Variants in ZCCHC2 observed in about 807,000 individuals in gnomAD.
ZCCHC2 encodes zinc finger CCHC-type containing 2, also known as zinc finger CCHC domain-containing protein 2.
In ZCCHC2, 39 loss-of-function variants were observed where a neutral mutation model predicts 103.6. The ratio of observed to expected loss-of-function variants is 0.38; its 90% CI spans 0.29 to 0.49. ZCCHC2 has a LOEUF of 0.49. Ranked by LOEUF, ZCCHC2 falls within the 20% of genes least tolerant of loss-of-function variation. ZCCHC2 has a pLI of 0.96. For missense variants in ZCCHC2, 1,483 were observed against 1,491.0 expected, an observed-to-expected ratio of 0.99 and a Z score of 0.09; for synonymous variants, 687 against 608.9, an observed-to-expected ratio of 1.13 and a Z score of -1.89.
At chr18:62,580,378 G>A (rs903887575), downstream of ZCCHC2, among the ~76,000 whole-genome samples, 7 of 152,222 alleles carry the variant, frequency 4.6e-5, no homozygotes, top group South Asian at 2.1e-4. Flanking sequence ...GGAGTGCAGC[G>A]GCTGGGTTGT....
At chr18:62,553,556 C>T (rs1449065326) in intron 5 of ZCCHC2, among the ~76,000 whole-genome samples, 1 of 151,964 alleles carries the variant, frequency 6.6e-6, no homozygotes, top group Non-Finnish European at 1.5e-5. Flanking sequence ...ATATTCTTAA[C>T]ACATATGGAT....
Position 62,578,364 on chromosome 18 carries a change from A to G in ZCCHC2, c.*1785A>G, listed in dbSNP as rs1916943969. On this transcript the variant is annotated 3_prime_UTR_variant, in exon 14 of 14. Coordinates refer to ENST00000269499, the MANE Select transcript of ZCCHC2 (RefSeq NM_017742.6). ...AAGCCACTTATGGGCCGCGTTGTGA[A>G]TCACTTGCCAGTTGTACTTTATGGA... 1 of 152,660 alleles carries G rather than the reference A, an allele frequency of 6.6e-6. No individual in the cohort carries two copies. The highest frequency in any genetic ancestry group is 1.5e-5 in the Non-Finnish European group (1 of 68,040). The allele number at this position is 152,660 out of a possible 1,614,324, so 9.5% of individuals were successfully genotyped here. A position where few individuals can be genotyped will look rare whatever the true frequency, so the allele number is the denominator to read the frequency against.
chr18:62,535,385 A>G (rs1395698458), intron 1 of ZCCHC2, among the ~76,000 whole-genome samples: 2 of 152,152 alleles, frequency 1.3e-5, no homozygotes, highest in African/African-American at 4.8e-5. Flanking sequence ...GAAGGAGGAG[A>G]CCTATGAATC....
chr18:62,571,435 C>A (rs56076457), intron 12 of ZCCHC2, among the ~76,000 whole-genome samples: 1 of 152,018 alleles, frequency 6.6e-6, no homozygotes, highest in Non-Finnish European at 1.5e-5. Context: ...TCTTACAGAT[C>A]GAGCTGTTTT....
intron 1 of ZCCHC2, chr18:62,539,435 A>G: frequency 2.8e-6 from 1 of 355,744 alleles, no homozygotes; most frequent in Admixed American, 4.4e-5. Context: ...CATCATTGGC[A>G]ACTCTGTATA....
chr18:62,539,889 T>C (rs1414626323), intron 2 of ZCCHC2, 97 bp downstream of exon 2: 1 of 995,390 alleles, frequency 1.0e-6, no homozygotes, highest in Non-Finnish European at 1.5e-6. Flanking sequence ...ACTCTCCTTT[T>C]TGAAGTGGAG....
At position 62,574,980 on chromosome 18, in the gene ZCCHC2, GGCCCTGCCCCGAGCCCAA is replaced by G; in HGVS notation, c.2908_2925del (p.Pro970_Ala975del). On this transcript the variant is annotated inframe_deletion, in exon 13 of 14. Coordinates refer to ENST00000269499, the MANE Select transcript of ZCCHC2 (RefSeq NM_017742.6). ...TCCTGCAGTTCCTACCCACACCCCA[GGCCCTGCCCCGAGCCCAA>G]GCCCTGCCTTGACACACAGTACCGC... The G allele has an allele frequency of 6.2e-7, 1 of 1,613,926 alleles. No homozygotes were observed. The highest frequency in any genetic ancestry group is 8.5e-7 in the Non-Finnish European group (1 of 1,179,876).
intron 1 of ZCCHC2, among the ~76,000 whole-genome samples, chr18:62,532,532 T>G (rs1914732358): frequency 6.6e-6 from 1 of 152,236 alleles, no homozygotes; most frequent in Non-Finnish European, 1.5e-5. Context: ...CTAATAGGCC[T>G]TTAGACTCAA....
In ZCCHC2 at chr18:62,539,678, T is replaced by A; in HGVS notation, c.940-3T>A. ...TTAACGTATCTCCCTCTTTCTCATC[T>A]AGAACAACTCTGCTCATGGTGATTA... On this transcript the variant is annotated splice_polypyrimidine_tract_variant and splice_region_variant and intron_variant, in intron 1 of 13. Transcript: ENST00000269499. The A allele has an allele frequency of 6.3e-7, 1 of 1,580,416 alleles. No individual in the cohort carries two copies. The highest frequency in any genetic ancestry group is 2.3e-5 in the East Asian group (1 of 43,514).
At chr18:62,535,257 G>C (rs2145491051) in intron 1 of ZCCHC2, among the ~76,000 whole-genome samples, 1 of 152,324 alleles carries the variant, frequency 6.6e-6, no homozygotes. Flanking sequence ...TAAAGATGTG[G>C]GGGCTGCTGG....
At chr18:62,583,132 C>T (rs936301157), downstream of ZCCHC2, among the ~76,000 whole-genome samples, 1 of 151,742 alleles carries the variant, frequency 6.6e-6, no homozygotes, top group African/African-American at 2.4e-5. Context: ...AAGATGTGGA[C>T]GAGAACAGGT....
rs755936864 is a variant in ZCCHC2, at chr18:62,574,199, T to C, written c.2118T>C (p.Asp706=). The C allele has an allele frequency of 1.9e-6, 3 of 1,613,992 alleles. No individual in the cohort carries two copies. The highest frequency in any genetic ancestry group is 2.5e-6 in the Non-Finnish European group (3 of 1,179,894). The change falls in exon 13 of 14, where the codon GAT becomes GAC. Residue 706 remains aspartate, a synonymous_variant. Transcript: ENST00000269499. ...ATGAGAATGGAAACCTTTTAGAAGA[T>C]CCCTTAAACTCACCCAAGTATCAGC... ...LGNENGNLLE[D]PLNSPKYQHI...
rs150214808 is a variant in ZCCHC2, at chr18:62,556,816, G to A, written c.1408+519G>A. On this transcript the variant is annotated intron_variant, in intron 6 of 13. Coordinates refer to ENST00000269499, the MANE Select transcript of ZCCHC2 (RefSeq NM_017742.6). Reference sequence around the variant, plus strand: ...ACAGTTAGGCCTTTCTTTCATGCACGGACTATTAAAGGTAAACCCTCACTC... The same window carrying A: ...ACAGTTAGGCCTTTCTTTCATGCACAGACTATTAAAGGTAAACCCTCACTC... 5.6e-4 allele frequency among the ~76,000 whole-genome samples: 85 copies of A among 152,160 alleles called. 1 individual carries two copies. The highest frequency in any genetic ancestry group is 1.9e-3 in the African/African-American group (79 of 41,522).
rs377124213 is a variant in ZCCHC2, at chr18:62,575,177, C to T, written c.3096C>T (p.Tyr1032=). The T allele has an allele frequency of 8.7e-6, 14 of 1,614,054 alleles. No individual in the cohort carries two copies. The highest frequency in any genetic ancestry group is 3.3e-4 in the Middle Eastern group (2 of 6,062). ...GTNGNLQLNS[Y]YYPNPMPGPM... ...ATGGAAACCTTCAGCTAAATAGTTA[C>T]TATTATCCTAATCCAATGCCTGGAC... Residue 1032 remains tyrosine, a synonymous_variant, in exon 13 of 14, where the codon TAC becomes TAT. Transcript: ENST00000269499.
intron 5 of ZCCHC2, among the ~76,000 whole-genome samples, chr18:62,555,168 C>T (rs1328655737): frequency 6.6e-6 from 1 of 152,174 alleles, no homozygotes; most frequent in East Asian, 1.9e-4. Context: ...GGTGCTTCAT[C>T]TTATAAGCGA....
chr18:62,582,742 C>T (rs1056047422), downstream of ZCCHC2, among the ~76,000 whole-genome samples: 7 of 152,008 alleles, frequency 4.6e-5, no homozygotes, highest in African/African-American at 1.7e-4. Flanking sequence ...AATGAAATAG[C>T]ACTGAGAAGC....
chr18:62,556,819 C>T (rs919407782), intron 6 of ZCCHC2, among the ~76,000 whole-genome samples: 1 of 152,206 alleles, frequency 6.6e-6, no homozygotes, highest in African/African-American at 2.4e-5. Flanking sequence ...CATGCACGGA[C>T]TATTAAAGGT....
chr18:62,535,991 G>A (rs1439488366), intron 1 of ZCCHC2, among the ~76,000 whole-genome samples: 1 of 152,112 alleles, frequency 6.6e-6, no homozygotes, highest in Non-Finnish European at 1.5e-5. Flanking sequence ...AGTCTATATC[G>A]AGGGACTACA....
At chr18:62,568,363 C>A (rs1296479854) in intron 11 of ZCCHC2, among the ~76,000 whole-genome samples, 1 of 152,052 alleles carries the variant, frequency 6.6e-6, no homozygotes, top group East Asian at 1.9e-4. Flanking sequence ...CTTCACTTTC[C>A]ACATCCCCTG....
Sources: gnomAD v4.1 joint callset for allele counts (sites outside exome capture counted in the v4.1 genomes callset) on GRCh38, gnomAD v4.1.1 for gene constraint, MANE v1.5 for transcripts, NCBI Gene and HGNC (gene_info 2026-07-23, HGNC 2026-07-21) for gene names.